The following UMODL1 variants were observed in gnomAD, a reference collection of about 807,000 sequenced individuals.
The protein encoded by UMODL1 is uromodulin-like 1.
A neutral mutation model predicts 136.3 loss-of-function variants in UMODL1; 128 were observed. That is an observed-to-expected ratio of 0.94 (90% CI 0.81 to 1.09). The LOEUF is 1.09. UMODL1 is among the 50% of genes least tolerant of loss of function. The pLI, the probability that UMODL1 is intolerant of heterozygous loss-of-function variation, is 0.00. For missense variants in UMODL1, 1,766 were observed against 1,725.6 expected (o/e 1.02, Z -0.41); for synonymous variants, 721 against 720.0 (o/e 1.00, Z -0.02).
chr21:42,109,565 G>T lies in UMODL1; in HGVS notation c.1523G>T (p.Trp508Leu). The T allele has an allele frequency of 1.2e-6, 2 of 1,611,132 alleles. No individual in the cohort carries two copies. ...TGATTGTGTCTCCCCCTGGCAGACT[G>T]GGACGAGTGTGTGGACAGCGCGGAA... is the stretch of plus-strand genomic sequence containing the variant. Reference protein sequence around the residue: ...IDRQGTRVQDWDECVDSAEHD... With the variant: ...IDRQGTRVQDLDECVDSAEHD... Residue 508 changes from tryptophan to leucine, a missense_variant, in exon 10 of 23, where the codon TGG (tryptophan) becomes TTG (leucine). Trp to Leu is a moderately conservative substitution (Grantham distance 61, BLOSUM62 -2). Transcript: ENST00000408910.
At position 42,122,963 on chromosome 21, in the gene UMODL1, G is replaced by C. The variant is rs2146529738; in HGVS notation, c.2960G>C (p.Gly987Ala). The change falls in exon 17 of 23, where the codon GGA (glycine) becomes GCA (alanine). Residue 987 changes from glycine (G) to alanine (A), a missense_variant. By Grantham distance (60) the Gly-to-Ala change is moderately conservative (BLOSUM62 0). Coordinates refer to ENST00000408910, the MANE Select transcript of UMODL1 (RefSeq NM_001004416.3). This position sits in a 1 kb window ranked among gnomAD's most constrained non-coding sequence, Gnocchi z 4.3. Reference protein sequence around the residue: ...QGLPQRLNLTGAVRVLCEIEK... With the variant: ...QGLPQRLNLTAAVRVLCEIEK... ...CTGCCCCAGCGGCTGAACCTGACCG[G>C]AGCAGTCAGGGTGCTCTGTGAGATC... 6.2e-7 allele frequency: 1 copy of C among 1,614,036 alleles called. No individual in the cohort carries two copies. The highest frequency in any genetic ancestry group is 8.5e-7 in the Non-Finnish European group (1 of 1,180,034).
rs954571157 is a variant in UMODL1 at position 42,083,480 on chromosome 21, G to A, written c.320-604G>A. 4.6e-5 allele frequency among the ~76,000 whole-genome samples: 7 copies of A among 152,304 alleles called. No individual in the cohort carries two copies. The East Asian group carries it at 7.7e-4, about 17-fold the overall frequency. ...ACACCCCACACCAGGCCTGTACCTC[G>A]CCTTGTGGGCGCCAGGGCTGATGTC... On this transcript the variant is annotated intron_variant, in intron 2 of 22. Coordinates refer to ENST00000408910, the MANE Select transcript of UMODL1 (RefSeq NM_001004416.3).
At chr21:42,128,903 A>C (rs1265647952) in intron 20 of UMODL1, among the ~76,000 whole-genome samples, 1 of 152,198 alleles carries the variant, frequency 6.6e-6, no homozygotes, top group East Asian at 1.9e-4. Flanking sequence ...CGGCTTAAAC[A>C]GTGGAAACTT....
chr21:42,109,431 C>T, intron 9 of UMODL1, 131 bp from the exon 10 acceptor site: 1 of 1,217,020 alleles, frequency 8.2e-7, no homozygotes, highest in African/African-American at 1.6e-5. Context: ...TGGACGGATG[C>T]CCCAAAATGC....
intron 10 of UMODL1, among the ~76,000 whole-genome samples, chr21:42,110,213 G>T (rs1211906351): frequency 1.3e-5 from 2 of 152,216 alleles, no homozygotes; most frequent in Non-Finnish European, 2.9e-5. Context: ...GTGGGTCGGG[G>T]ATACCTGGGA....
rs2067155033 is a variant in UMODL1, at chr21:42,133,104, T to G, written c.3775+3307T>G. 3.3e-5 allele frequency among the ~76,000 whole-genome samples: 5 copies of G among 152,226 alleles called. No homozygotes were observed. In the South Asian group the frequency reaches 1.0e-3, roughly 31 times the overall value. ...GCTTTTGTTTGATCTATGACTATCATACAAATACACAGCAAAATCATTTAG... is the reference window on the plus strand; with the variant it reads ...GCTTTTGTTTGATCTATGACTATCAGACAAATACACAGCAAAATCATTTAG... On this transcript the variant is annotated intron_variant, in intron 21 of 22. Transcript: ENST00000408910.
intron 10 of UMODL1, among the ~76,000 whole-genome samples, chr21:42,110,218 C>T (rs1181601371): frequency 6.6e-6 from 1 of 152,196 alleles, no homozygotes; most frequent in Non-Finnish European, 1.5e-5. Flanking sequence ...TCGGGGATAC[C>T]TGGGATGCTG....
intron 15 of UMODL1, among the ~76,000 whole-genome samples, chr21:42,119,925 G>T (rs968343133): frequency 9.2e-5 from 14 of 152,098 alleles, no homozygotes; most frequent in Non-Finnish European, 2.1e-4. Context: ...CAAAATAAAG[G>T]CACCATTTTA....
In UMODL1 at chr21:42,103,870, CGA is replaced by C; in HGVS notation, c.1306_1307del (p.Ser436LeufsTer8). Reference sequence around the variant, plus strand: ...TGCTGTTGCCTCTTCTTGGCTAGGTCGAGAGCTCCTTCCCACCAGTGGTGTCT... The same window carrying C: ...TGCTGTTGCCTCTTCTTGGCTAGGTCGAGCTCCTTCCCACCAGTGGTGTCT... ...DFSRQLLHEV[E>X]SSFPPVVSDL... On this transcript the variant is annotated frameshift_variant, in exon 9 of 23. Coordinates refer to ENST00000408910, the MANE Select transcript of UMODL1 (RefSeq NM_001004416.3). LOFTEE classifies it high-confidence loss of function. 6.2e-7 allele frequency: 1 copy of C among 1,614,100 alleles called. No individual in the cohort carries two copies. Among genetic ancestry groups the C allele is most frequent in the South Asian group, 1.1e-5 (1 of 91,050 alleles).
chr21:42,073,165 A>G (rs2066251155), intron 1 of UMODL1, among the ~76,000 whole-genome samples: 1 of 152,200 alleles, frequency 6.6e-6, no homozygotes, highest in African/African-American at 2.4e-5. Flanking sequence ...TGTGGTTGGC[A>G]TCTCTGCTCA....
At chr21:42,095,089 G>GTTTTTTTGT (rs1555922535) in intron 6 of UMODL1, among the ~76,000 whole-genome samples, 1 of 61,186 alleles carries the variant, frequency 1.6e-5, no homozygotes, top group Non-Finnish European at 2.9e-5. Context: ...TTCTTCTGCT[G>GTTTTTTTGT]TTTTTTTTTT....
intron 1 of UMODL1, 87 bp from the exon 2 acceptor site, chr21:42,075,918 C>A: frequency 6.4e-7 from 1 of 1,564,654 alleles, no homozygotes; most frequent in South Asian, 1.2e-5. Context: ...CTCTCACTTG[C>A]TATTGCAGAG....
chr21:42,103,708 G>C (rs186577748), intron 8 of UMODL1, 160 bp from the exon 9 acceptor site: 3 of 845,984 alleles, frequency 3.5e-6, no homozygotes, highest in Non-Finnish European at 6.0e-6. Flanking sequence ...TGCTGTGAAC[G>C]GACTTCTCTG....
intron 1 of UMODL1, among the ~76,000 whole-genome samples, chr21:42,064,787 C>T (rs895846635): frequency 6.6e-6 from 1 of 152,190 alleles, no homozygotes; most frequent in African/African-American, 2.4e-5. Flanking sequence ...AACTCCTGAC[C>T]TCAGGTGATC....
intron 21 of UMODL1, among the ~76,000 whole-genome samples, chr21:42,133,921 T>C (rs923430505): frequency 7.7e-6 from 1 of 130,462 alleles, no homozygotes; most frequent in African/African-American, 2.9e-5. Context: ...TTGTTTTGTT[T>C]CGTTTTGTTT....
At chr21:42,114,792 G>T (rs924354997) in intron 13 of UMODL1, among the ~76,000 whole-genome samples, 1 of 152,206 alleles carries the variant, frequency 6.6e-6, no homozygotes, top group Non-Finnish European at 1.5e-5. Context: ...AGTCAGACAG[G>T]GTGGCTCTGG....
intron 2 of UMODL1, among the ~76,000 whole-genome samples, chr21:42,077,389 TTC>T (rs1429738701): frequency 1.3e-5 from 2 of 152,056 alleles, no homozygotes; most frequent in Non-Finnish European, 2.9e-5. Flanking sequence ...ACGCTAAAAA[TTC>T]TCTCAGCCCC....
intron 13 of UMODL1, among the ~76,000 whole-genome samples, chr21:42,114,781 C>G (rs2066881982): frequency 6.6e-6 from 1 of 152,192 alleles, no homozygotes; most frequent in Non-Finnish European, 1.5e-5. Context: ...GCTGGCTGGA[C>G]AGTCAGACAG....
At chr21:42,108,120 G>A (rs1403770822) in intron 9 of UMODL1, among the ~76,000 whole-genome samples, 2 of 152,224 alleles carry the variant, frequency 1.3e-5, no homozygotes, top group East Asian at 3.8e-4. Context: ...TCGCTTGGGA[G>A]CTGTCTGGGG....
Sources: gnomAD v4.1 joint callset for allele counts (sites outside exome capture counted in the v4.1 genomes callset) on GRCh38, gnomAD v4.1.1 for gene constraint, Gnocchi (gnomAD v3.1) non-coding constraint, MANE v1.5 for transcripts, NCBI Gene and HGNC (gene_info 2026-07-23, HGNC 2026-07-21) for gene names.